The following OIT3 variants were observed in gnomAD, a reference collection of about 807,000 sequenced individuals.
The protein encoded by OIT3 is oncoprotein induced transcript 3.
A neutral mutation model predicts 52.2 loss-of-function variants in OIT3; 41 were observed. The ratio of observed to expected loss-of-function variants is 0.79; its 90% CI spans 0.61 to 1.02. The LOEUF (loss-of-function observed/expected upper bound fraction) is 1.02, where lower values mean the gene tolerates loss of function less well. Among genes scored for constraint, OIT3 ranks in the 50% least tolerant of loss-of-function variants. The pLI is 0.00. For synonymous variants in OIT3, 244 were observed against 276.9 expected (o/e 0.88, Z 1.18); for missense variants, 634 against 715.5 (o/e 0.89, Z 1.30).
Position 72,900,437 on chromosome 10 carries a change from C to T in OIT3, c.497C>T (p.Thr166Ile). ...HGSCSDTSEC[T>I]CAPGTVLGPD... is the part of the protein sequence containing the mutation. Reference sequence around the variant, plus strand: ...AGCTGCTCAGATACCAGCGAGTGCACATGCGCTCCAGGAACTGTGCTAGGC... The same window carrying T: ...AGCTGCTCAGATACCAGCGAGTGCATATGCGCTCCAGGAACTGTGCTAGGC... The change falls in exon 3 of 9, where the codon ACA becomes ATA. Residue 166 changes from threonine to isoleucine, a missense_variant. Transcript: ENST00000334011. 1 of 1,612,700 alleles carries T rather than the reference C, an allele frequency of 6.2e-7. No individual in the cohort carries two copies. Among genetic ancestry groups the T allele is most frequent in the South Asian group, 1.1e-5 (1 of 91,032 alleles).
In OIT3 at chr10:72,924,181, GAAAC is replaced by G. The variant is rs780576118; in HGVS notation, c.952-42_952-39del. ...GAGAGGAGGGGGAAAAAAAACTGTA[GAAAC>G]AAACAGACAATCTCTTTCCTCTCCT... On this transcript the variant is annotated intron_variant, in intron 6 of 8. Coordinates refer to ENST00000334011, the MANE Select transcript of OIT3 (RefSeq NM_152635.3). The G allele has an allele frequency of 9.4e-6, 14 of 1,495,788 alleles. No homozygotes were observed. The African/African-American group carries it at 1.7e-4, about 18-fold the overall frequency. 92.7% of individuals were successfully genotyped at this position (1,495,788 alleles called of 1,614,324 possible). A position where few individuals can be genotyped will look rare whatever the true frequency, so the allele number is the denominator to read the frequency against.
chr10:72,929,848 T>G (rs1027018133), intron 7 of OIT3, among the ~76,000 whole-genome samples: 1 of 151,910 alleles, frequency 6.6e-6, no homozygotes, highest in African/African-American at 2.4e-5. Flanking sequence ...CAGCCAGGAG[T>G]GCTTCTTTTC....
chr10:72,900,471 G>A lies in OIT3; in HGVS notation c.531G>A (p.Arg177=). 6.3e-7 allele frequency: 1 copy of A among 1,598,092 alleles called. No individual in the cohort carries two copies. Among genetic ancestry groups the A allele is most frequent in the Non-Finnish European group, 8.6e-7 (1 of 1,165,768 alleles). The part of the protein sequence containing the change: ...CAPGTVLGPD[R]QTCFDENECE... Reference sequence around the variant, plus strand: ...CAGGAACTGTGCTAGGCCCTGACAGGCAGACATGCTTTGGTAAGAAACTCA... The same window carrying A: ...CAGGAACTGTGCTAGGCCCTGACAGACAGACATGCTTTGGTAAGAAACTCA... The change falls in exon 3 of 9, where the codon AGG becomes AGA. Residue 177 remains arginine (R), a synonymous_variant. Transcript: ENST00000334011.
At chr10:72,925,997 C>T (rs767883182) in intron 7 of OIT3, among the ~76,000 whole-genome samples, 7 of 152,178 alleles carry the variant, frequency 4.6e-5, no homozygotes, top group Non-Finnish European at 8.8e-5. Flanking sequence ...CTGATGGAGA[C>T]CTAGTCCTTT....
intron 1 of OIT3, among the ~76,000 whole-genome samples, chr10:72,894,188 A>G (rs1845853913): frequency 6.6e-6 from 1 of 152,174 alleles, no homozygotes; most frequent in South Asian, 2.1e-4. Flanking sequence ...GAGCCAAAAA[A>G]AAAAAAATTA....
chr10:72,927,400 A>G (rs926139923), intron 7 of OIT3, among the ~76,000 whole-genome samples: 1 of 152,184 alleles, frequency 6.6e-6, no homozygotes, highest in Non-Finnish European at 1.5e-5. Context: ...TCGGCCTCCC[A>G]AAGTGCTGGG....
intron 7 of OIT3, among the ~76,000 whole-genome samples, chr10:72,926,319 T>C (rs1336676433): frequency 6.6e-6 from 1 of 152,246 alleles, no homozygotes; most frequent in African/African-American, 2.4e-5. Context: ...CCCCTTGATA[T>C]ACATAGGATC....
At chr10:72,916,912 T>C (rs1484021135) in intron 6 of OIT3, among the ~76,000 whole-genome samples, 1 of 152,258 alleles carries the variant, frequency 6.6e-6, no homozygotes, top group East Asian at 1.9e-4. Context: ...TTGATTTGCA[T>C]TTCTGTAATA....
intron 6 of OIT3, among the ~76,000 whole-genome samples, chr10:72,917,310 T>G (rs1846081377): frequency 6.6e-6 from 1 of 151,570 alleles, no homozygotes; most frequent in Non-Finnish European, 1.5e-5. Flanking sequence ...CATTTAAGGT[T>G]TTTTTTTTAC....
At chr10:72,919,903 G>C (rs1846107114) in intron 6 of OIT3, among the ~76,000 whole-genome samples, 1 of 152,060 alleles carries the variant, frequency 6.6e-6, no homozygotes, top group African/African-American at 2.4e-5. Context: ...ATTGGCCTGA[G>C]GTTTCCTTTT....
At chr10:72,904,177 C>T (rs1174744625) in intron 3 of OIT3, among the ~76,000 whole-genome samples, 1 of 152,138 alleles carries the variant, frequency 6.6e-6, no homozygotes, top group Non-Finnish European at 1.5e-5. Context: ...CCCCTGCTTG[C>T]TCAATCGATC....
At chr10:72,897,267 A>G (rs920151528) in intron 1 of OIT3, among the ~76,000 whole-genome samples, 5 of 151,998 alleles carry the variant, frequency 3.3e-5, no homozygotes, top group African/African-American at 1.2e-4. Flanking sequence ...CAGGTGATCC[A>G]CCCGCCTCGG....
At chr10:72,911,410 G>A (rs138458279) in intron 4 of OIT3, among the ~76,000 whole-genome samples, 151 of 152,190 alleles carry the variant, frequency 9.9e-4, no homozygotes, top group African/African-American at 3.5e-3. Context: ...TGACTTTTGG[G>A]TCCTAGTCCT....
chr10:72,899,225 A>G (rs1845905151), intron 2 of OIT3, among the ~76,000 whole-genome samples, 187 bp downstream of exon 2: 2 of 152,248 alleles, frequency 1.3e-5, no homozygotes, highest in African/African-American at 4.8e-5. Flanking sequence ...TCCTGAAGAA[A>G]TAGAAGGGGA....
chr10:72,918,258 T>A, intron 6 of OIT3: 1 of 805,096 alleles, frequency 1.2e-6, no homozygotes, highest in Non-Finnish European at 2.2e-6. Flanking sequence ...GGGTGTTATT[T>A]CAAAGCCCCC....
chr10:72,918,789 G>A (rs572819769), intron 6 of OIT3, among the ~76,000 whole-genome samples: 4 of 152,266 alleles, frequency 2.6e-5, no homozygotes, highest in Admixed American at 6.5e-5. Flanking sequence ...AGTTGTAGGT[G>A]TGCAGTCTTA....
intron 6 of OIT3, among the ~76,000 whole-genome samples, chr10:72,922,924 G>A (rs142441835): frequency 4.2e-4 from 64 of 152,182 alleles, no homozygotes; most frequent in Admixed American, 1.6e-3. Context: ...CACCCAGGCT[G>A]GAGTGCAGTG....
chr10:72,911,771 C>T lies in OIT3; in HGVS notation c.722C>T (p.Ser241Phe). Residue 241 changes from serine (S) to phenylalanine (F), a missense_variant, in exon 5 of 9, where the codon TCT (serine) becomes TTT (phenylalanine). Ser to Phe is a radical substitution (Grantham distance 155, BLOSUM62 -2). Transcript: ENST00000334011. ...GGCTGCAGCCACTCTTGCCTTGGAT[C>T]TGAGAAAGGCTACCAGTGTGAATGT... is the stretch of plus-strand genomic sequence containing the variant. The part of the protein sequence containing the change: ...NGGCSHSCLG[S>F]EKGYQCECPR... 6.2e-7 allele frequency: 1 copy of T among 1,613,750 alleles called. No individual in the cohort carries two copies. The highest frequency in any genetic ancestry group is 1.1e-5 in the South Asian group (1 of 91,048).
At chr10:72,929,098 G>A (rs1846192553) in intron 7 of OIT3, among the ~76,000 whole-genome samples, 1 of 151,816 alleles carries the variant, frequency 6.6e-6, no homozygotes, top group Admixed American at 6.6e-5. Flanking sequence ...TCCCACTGAG[G>A]GGCTGAGGCA....
Sources: allele counts gnomAD v4.1 joint callset (sites outside exome capture counted in the v4.1 genomes callset), GRCh38; gene constraint gnomAD v4.1.1; transcripts MANE v1.5; gene names NCBI Gene and HGNC (gene_info 2026-07-23, HGNC 2026-07-21).